Variants in NUTM2B observed in about 807,000 individuals in gnomAD.
The protein encoded by NUTM2B is family with sequence similarity 22, member B.
NUTM2B carries 2 observed loss-of-function variants against 42.4 expected under a neutral mutation model. The ratio of observed to expected loss-of-function variants is 0.05; its 90% CI spans 0.02 to 0.15. The LOEUF (loss-of-function observed/expected upper bound fraction) is 0.15. Among genes scored for constraint, NUTM2B ranks in the 10% least tolerant of loss-of-function variants. The pLI is 1.00. For synonymous variants in NUTM2B, 18 were observed against 402.4 expected (o/e 0.04, Z 11.43); for missense variants, 58 against 952.6 (o/e 0.06, Z 12.36).
At chr10:79,696,194 C>A in the NUTM2B span, among the ~76,000 whole-genome samples, 1 of 148,464 alleles carries the variant, frequency 6.7e-6, no homozygotes, top group South Asian at 2.2e-4. Flanking sequence ...TAATAAAATG[C>A]TCTCCAGGGG....
At chr10:79,712,470 G>C in exon 7 of NUTM2B, 1 of 1,548,108 alleles carries the variant, frequency 6.5e-7, no homozygotes, top group Middle Eastern at 2.3e-4. Context: ...AGAAGAAGCA[G>C]CATTGTAGCC....
chr10:79,692,794 G>A, the NUTM2B span, among the ~76,000 whole-genome samples: 1 of 152,150 alleles, frequency 6.6e-6, no homozygotes, highest in African/African-American at 2.4e-5. Flanking sequence ...TAGGAACCTG[G>A]GGTGACTCCC....
At chr10:79,692,893 G>A in the NUTM2B span, among the ~76,000 whole-genome samples, 30 of 152,276 alleles carry the variant, frequency 2.0e-4, no homozygotes, top group Admixed American at 1.6e-3. Flanking sequence ...GTTGAATAAA[G>A]TCTTGATCTG....
upstream of NUTM2B, among the ~76,000 whole-genome samples, chr10:79,699,826 T>C (rs1430473208): frequency 4.6e-5 from 7 of 152,124 alleles, no homozygotes; most frequent in African/African-American, 1.7e-4. Context: ...TCTCACCAAT[T>C]AAATACATAT....
At chr10:79,696,623 AAAG>A in the NUTM2B span, among the ~76,000 whole-genome samples, 2 of 152,200 alleles carry the variant, frequency 1.3e-5, no homozygotes, top group Admixed American at 1.3e-4. Flanking sequence ...AGGAGGTGGA[AAAG>A]AAGAAGGGGA....
upstream of NUTM2B, among the ~76,000 whole-genome samples, chr10:79,700,032 AC>A (rs1840284142): frequency 6.6e-6 from 1 of 152,228 alleles, no homozygotes; most frequent in African/African-American, 2.4e-5. Flanking sequence ...CAAATAATAT[AC>A]CACTACTTTT....
chr10:79,699,097 AAAT>A (rs1315627654), upstream of NUTM2B, among the ~76,000 whole-genome samples: 3 of 151,578 alleles, frequency 2.0e-5, no homozygotes, highest in Admixed American at 6.6e-5. Flanking sequence ...CACCCCCTGA[AAAT>A]AATGAAAAGA....
the NUTM2B span, among the ~76,000 whole-genome samples, chr10:79,697,599 T>C: frequency 2.6e-5 from 4 of 152,282 alleles, no homozygotes; most frequent in African/African-American, 7.2e-5. Context: ...TGTTTTGCAC[T>C]GAAGGCTGGG....
upstream of NUTM2B, among the ~76,000 whole-genome samples, chr10:79,698,252 C>A (rs1293424846): frequency 6.6e-6 from 1 of 151,730 alleles, no homozygotes; most frequent in Non-Finnish European, 1.5e-5. Context: ...CAAACTCACA[C>A]AAATATCCCC....
the NUTM2B span, among the ~76,000 whole-genome samples, chr10:79,694,346 C>T: frequency 6.7e-6 from 1 of 148,928 alleles, no homozygotes; most frequent in Non-Finnish European, 1.5e-5. Context: ...TGCAGTGAGC[C>T]GAGATCGTGC....
upstream of NUTM2B, among the ~76,000 whole-genome samples, chr10:79,700,829 G>A (rs1795076479): frequency 6.6e-6 from 1 of 152,236 alleles, no homozygotes; most frequent in Non-Finnish European, 1.5e-5. Context: ...CACGGGGCAG[G>A]CCAGGAGCCC....
chr10:79,700,219 T>C (rs1589260239), upstream of NUTM2B, among the ~76,000 whole-genome samples: 1 of 152,290 alleles, frequency 6.6e-6, no homozygotes, highest in Non-Finnish European at 1.5e-5. Flanking sequence ...AGAACATGCA[T>C]GCTGGCTGAT....
intron 5 of NUTM2B, among the ~76,000 whole-genome samples, chr10:79,711,004 TGTGTC>T (rs1171083764): frequency 1.5e-5 from 2 of 132,014 alleles, no homozygotes; most frequent in African/African-American, 5.8e-5. Flanking sequence ...TACCTGTGTC[TGTGTC>T]TTTTCCTGTG....
the NUTM2B span, among the ~76,000 whole-genome samples, chr10:79,698,164 A>C: frequency 0.083 from 9,899 of 118,852 alleles, 435 homozygotes; most frequent in South Asian, 0.23. Flanking sequence ...CCCATACAAT[A>C]CAAAAAAAAA....
At chr10:79,700,804 G>T (rs1021883690), upstream of NUTM2B, among the ~76,000 whole-genome samples, 13 of 147,080 alleles carry the variant, frequency 8.8e-5, no homozygotes, top group African/African-American at 3.4e-4. Flanking sequence ...CCGCCTCAAG[G>T]CTCCTGCGGC....
the NUTM2B span, among the ~76,000 whole-genome samples, chr10:79,692,595 C>A: frequency 6.6e-6 from 1 of 152,188 alleles, no homozygotes; most frequent in Non-Finnish European, 1.5e-5. Context: ...GGCAATGAAG[C>A]TCCCCCTAAA....
chr10:79,692,338 G>A, the NUTM2B span, among the ~76,000 whole-genome samples: 8 of 152,232 alleles, frequency 5.3e-5, no homozygotes, highest in African/African-American at 1.7e-4. Context: ...ACCCTGTGGA[G>A]TTAGCACTAT....
upstream of NUTM2B, among the ~76,000 whole-genome samples, chr10:79,701,364 C>A (rs1840311406): frequency 6.6e-6 from 1 of 151,886 alleles, no homozygotes; most frequent in African/African-American, 2.4e-5. Flanking sequence ...TTCCACACTC[C>A]CCATCCCTGA....
the NUTM2B span, among the ~76,000 whole-genome samples, chr10:79,693,219 G>A: frequency 1.3e-5 from 2 of 152,228 alleles, no homozygotes; most frequent in Admixed American, 6.5e-5. Flanking sequence ...CCAGGCTCCT[G>A]CAGTGGGCAT....
Sources: allele counts gnomAD v4.1 joint callset (sites outside exome capture counted in the v4.1 genomes callset), GRCh38; gene constraint gnomAD v4.1.1; transcripts MANE v1.5; gene names NCBI Gene and HGNC (gene_info 2026-07-23, HGNC 2026-07-21).